Variants in LRP1B observed in about 807,000 individuals in gnomAD.
The protein encoded by LRP1B is LDL receptor related protein 1B.
Under a neutral mutation model 556.6 loss-of-function variants are expected in LRP1B, and 217 were observed. The ratio of observed to expected loss-of-function variants is 0.39; its 90% CI spans 0.35 to 0.44. The LOEUF (loss-of-function observed/expected upper bound fraction) is 0.44. Among genes scored for constraint, LRP1B ranks in the 20% least tolerant of loss-of-function variants. The pLI, the probability that LRP1B is intolerant of heterozygous loss-of-function variation, is 1.00. For synonymous variants in LRP1B, 2,047 were observed against 1,865.8 expected (o/e 1.10, Z -2.50); for missense variants, 5,053 against 5,620.8 (o/e 0.90, Z 3.23).
chr2:140,390,433 T>C (rs1364514580), intron 66 of LRP1B, among the ~76,000 whole-genome samples: 1 of 151,978 alleles, frequency 6.6e-6, no homozygotes, highest in Non-Finnish European at 1.5e-5. Flanking sequence ...CTCCATCCCA[T>C]GCCATACATA....
Position 141,482,092 on chromosome 2 carries a change from T to C in LRP1B, c.206-1559A>G, listed in dbSNP as rs190481091. 6.1e-3 allele frequency among the ~76,000 whole-genome samples: 927 copies of C among 152,094 alleles called. 11 individuals are homozygous for C. Among genetic ancestry groups the C allele is most frequent in the Non-Finnish European group, 5.4e-3 (364 of 67,998 alleles). On this transcript the variant is annotated intron_variant, in intron 2 of 90. Transcript: ENST00000389484. ...TAACATATTTTAGGATATGCAAAATTGTGAGAATTGCAGAAGTTTGCAATG... is the reference window on the plus strand; with the variant it reads ...TAACATATTTTAGGATATGCAAAATCGTGAGAATTGCAGAAGTTTGCAATG...
intron 1 of LRP1B, among the ~76,000 whole-genome samples, chr2:141,972,136 T>C (rs1181044957): frequency 1.3e-5 from 2 of 151,720 alleles, no homozygotes; most frequent in South Asian, 4.1e-4. Flanking sequence ...TATATTATTT[T>C]CCAAATACAA....
intron 75 of LRP1B, among the ~76,000 whole-genome samples, chr2:140,355,483 TC>T (rs1682168644): frequency 6.6e-6 from 1 of 152,000 alleles, no homozygotes; most frequent in Admixed American, 6.6e-5. Flanking sequence ...CTACACTTTT[TC>T]CCCTTTTGGG....
chr2:141,111,389 G>C, intron 7 of LRP1B, among the ~76,000 whole-genome samples: 1 of 151,982 alleles, frequency 6.6e-6, no homozygotes, highest in East Asian at 1.9e-4. Flanking sequence ...TTGCAAATTT[G>C]TTTACTTGCT....
intron 1 of LRP1B, among the ~76,000 whole-genome samples, chr2:142,049,469 G>C (rs1174812359): frequency 6.6e-6 from 1 of 152,058 alleles, no homozygotes; most frequent in African/African-American, 2.4e-5. Flanking sequence ...GGCAATAAGA[G>C]TGTCAAATAC....
chr2:140,681,422 C>A (rs1685855443), intron 41 of LRP1B, among the ~76,000 whole-genome samples: 1 of 151,938 alleles, frequency 6.6e-6, no homozygotes, highest in South Asian at 2.1e-4. Context: ...CCATTATTGT[C>A]AATAAAAAAT....
At chr2:140,952,662 TGAAAAAGA>T (rs1225465927) in intron 18 of LRP1B, among the ~76,000 whole-genome samples, 3 of 152,066 alleles carry the variant, frequency 2.0e-5, no homozygotes, top group Non-Finnish European at 4.4e-5. Flanking sequence ...AAAAAGAGTT[TGAAAAAGA>T]GATAATTAGC....
intron 2 of LRP1B, among the ~76,000 whole-genome samples, chr2:141,702,460 T>C (rs968556983): frequency 6.6e-6 from 1 of 151,742 alleles, no homozygotes; most frequent in African/African-American, 2.4e-5. Context: ...TAAACAGGAG[T>C]AACTACTTTC....
intron 45 of LRP1B, among the ~76,000 whole-genome samples, chr2:140,539,340 A>G (rs183007837): frequency 7.9e-5 from 12 of 152,254 alleles, no homozygotes; most frequent in Non-Finnish European, 2.9e-5. Context: ...AGGAGCCAAG[A>G]GTTACTTTCT....
chr2:141,599,975 T>C (rs1266650236), intron 2 of LRP1B, among the ~76,000 whole-genome samples: 1 of 152,106 alleles, frequency 6.6e-6, no homozygotes, highest in Non-Finnish European at 1.5e-5. Flanking sequence ...CCCACACCTT[T>C]CACTGTATTT....
chr2:141,798,590 C>G (rs1306428757), intron 2 of LRP1B, among the ~76,000 whole-genome samples: 7 of 150,724 alleles, frequency 4.6e-5, no homozygotes, highest in Non-Finnish European at 1.0e-4. Context: ...GCCTGTAGTC[C>G]CAGCTACTCG....
At chr2:141,710,945 A>G (rs1007792107) in intron 2 of LRP1B, among the ~76,000 whole-genome samples, 33 of 152,164 alleles carry the variant, frequency 2.2e-4, no homozygotes, top group African/African-American at 7.5e-4. Flanking sequence ...TTGATTTTGT[A>G]TCATTATTTT....
chr2:141,780,910 G>A (rs1179821147), intron 2 of LRP1B, among the ~76,000 whole-genome samples: 2 of 151,964 alleles, frequency 1.3e-5, no homozygotes, highest in African/African-American at 4.8e-5. Context: ...TAGGTATTTT[G>A]AATTGAGAAG....
chr2:142,039,127 G>T (rs1336525337), intron 1 of LRP1B, among the ~76,000 whole-genome samples: 1 of 151,420 alleles, frequency 6.6e-6, no homozygotes. Context: ...TATCCCCACA[G>T]CTCATCATGA....
At chr2:140,626,365 G>A (rs1157390329) in intron 41 of LRP1B, among the ~76,000 whole-genome samples, 1 of 152,034 alleles carries the variant, frequency 6.6e-6, no homozygotes, top group East Asian at 1.9e-4. Flanking sequence ...TTTAAATTAT[G>A]GATTTTGGAG....
At chr2:140,577,685 A>T (rs184628336) in intron 43 of LRP1B, among the ~76,000 whole-genome samples, 1 of 152,050 alleles carries the variant, frequency 6.6e-6, no homozygotes, top group Non-Finnish European at 1.5e-5. Context: ...CAGCCTCCCA[A>T]AGTGCTGAGA....
intron 84 of LRP1B, among the ~76,000 whole-genome samples, chr2:140,292,113 C>G (rs945451229): frequency 6.6e-6 from 1 of 152,018 alleles, no homozygotes; most frequent in Non-Finnish European, 1.5e-5. Flanking sequence ...GTCGGAGAAG[C>G]CTAGTTTTCA....
rs889878264 is a variant in LRP1B, at chr2:141,732,955, C to G, written c.205+77324G>C. 1.9e-4 allele frequency among the ~76,000 whole-genome samples: 29 copies of G among 152,028 alleles called. 1 individual carries two copies. Among genetic ancestry groups the G allele is most frequent in the South Asian group, 8.3e-4 (4 of 4,822 alleles). On this transcript the variant is annotated intron_variant, in intron 2 of 90. Transcript: ENST00000389484. ...GAATCTTGGCATCACTGATCACATACTATTCAAAAAAGCAGAGCCTCAGCA... is the reference window on the plus strand; with the variant it reads ...GAATCTTGGCATCACTGATCACATAGTATTCAAAAAAGCAGAGCCTCAGCA...
chr2:140,787,906 A>G (rs1476777745), intron 32 of LRP1B, among the ~76,000 whole-genome samples: 2 of 152,080 alleles, frequency 1.3e-5, no homozygotes, highest in Admixed American at 6.6e-5. Context: ...GGCAGGAGAT[A>G]TGCCTTTATT....
Sources: allele counts gnomAD v4.1 joint callset (sites outside exome capture counted in the v4.1 genomes callset), GRCh38; gene constraint gnomAD v4.1.1; transcripts MANE v1.5; gene names NCBI Gene and HGNC (gene_info 2026-07-23, HGNC 2026-07-21).